Variants in SYNPR observed in about 807,000 individuals in gnomAD.
SYNPR encodes synaptoporin.
A neutral mutation model predicts 32.9 loss-of-function variants in SYNPR; 23 were observed. The ratio of observed to expected loss-of-function variants is 0.70; its 90% confidence interval spans 0.50 to 0.99. The LOEUF (loss-of-function observed/expected upper bound fraction) is 0.99, where lower values mean the gene tolerates loss of function less well. Among genes scored for constraint, SYNPR ranks in the 50% least tolerant of loss-of-function variants. The probability of loss-of-function intolerance (pLI) is 0.00; values close to 1 mark genes in which losing one functional copy is unlikely to be tolerated. For synonymous variants in SYNPR, 146 were observed against 135.9 expected, an observed-to-expected ratio of 1.07 and a Z score of -0.52; for missense variants, 318 against 349.3, an observed-to-expected ratio of 0.91 and a Z score of 0.71.
chr3:63,221,608 C>T, the SYNPR span, among the ~76,000 whole-genome samples: 37,762 of 151,926 alleles, frequency 0.25, 5,029 homozygotes, highest in Admixed American at 0.34. Context: ...TAGTACACAG[C>T]CAGGAAATAT....
At chr3:63,356,100 T>C (rs1485529801) in intron 2 of SYNPR, among the ~76,000 whole-genome samples, 1 of 152,258 alleles carries the variant, frequency 6.6e-6, no homozygotes, top group East Asian at 1.9e-4. Flanking sequence ...CATCCTAAGA[T>C]GGCTCATTCT....
intron 3 of SYNPR, among the ~76,000 whole-genome samples, chr3:63,273,063 AG>A (rs551648052): frequency 1.7e-3 from 253 of 152,286 alleles, no homozygotes; most frequent in Non-Finnish European, 1.7e-3. Context: ...GCATTTGAGA[AG>A]GGGGAAGAGA....
At chr3:63,316,542 T>C (rs1387805470) in intron 2 of SYNPR, among the ~76,000 whole-genome samples, 1 of 151,972 alleles carries the variant, frequency 6.6e-6, no homozygotes, top group East Asian at 1.9e-4. Context: ...ATAGTGGCCT[T>C]GAATGATCTT....
At chr3:63,237,743 A>G (rs539959407) in intron 1 of SYNPR, among the ~76,000 whole-genome samples, 1 of 152,164 alleles carries the variant, frequency 6.6e-6, no homozygotes, top group East Asian at 1.9e-4. Context: ...TGTCAATGAC[A>G]GCTTAATTTT....
chr3:63,600,378 A>G (rs1466083262), intron 4 of SYNPR, among the ~76,000 whole-genome samples: 3 of 152,160 alleles, frequency 2.0e-5, no homozygotes, highest in Admixed American at 1.3e-4. Flanking sequence ...CCCTCTGGAT[A>G]CCAGCTGGGT....
chr3:63,327,336 G>T (rs993087515), intron 2 of SYNPR, among the ~76,000 whole-genome samples: 3 of 152,044 alleles, frequency 2.0e-5, no homozygotes, highest in Non-Finnish European at 4.4e-5. Flanking sequence ...CTACTAAAGT[G>T]GGTATATGTA....
At chr3:63,572,529 C>T (rs1028548638) in intron 4 of SYNPR, among the ~76,000 whole-genome samples, 1 of 152,164 alleles carries the variant, frequency 6.6e-6, no homozygotes, top group African/African-American at 2.4e-5. Context: ...AACAGAAATA[C>T]TTTCCCTTCC....
intron 2 of SYNPR, among the ~76,000 whole-genome samples, chr3:63,322,311 T>G (rs1481207251): frequency 6.6e-6 from 1 of 152,100 alleles, no homozygotes; most frequent in East Asian, 1.9e-4. Context: ...GTGCCACATG[T>G]GGACTAGGTA....
At chr3:63,436,572 T>C (rs553618129) in intron 2 of SYNPR, among the ~76,000 whole-genome samples, 26 of 152,120 alleles carry the variant, frequency 1.7e-4, no homozygotes, top group African/African-American at 6.0e-4. Context: ...GCCCCTCCAT[T>C]AGCTTGAAAT....
chr3:63,274,513 T>C (rs1375284579), upstream of SYNPR, among the ~76,000 whole-genome samples: 5 of 152,244 alleles, frequency 3.3e-5, no homozygotes, highest in Non-Finnish European at 7.3e-5. Flanking sequence ...CTCTTTGAGA[T>C]TCAAAATGGT....
chr3:63,413,548 A>G (rs2088497669), intron 2 of SYNPR, among the ~76,000 whole-genome samples: 1 of 152,210 alleles, frequency 6.6e-6, no homozygotes, highest in Admixed American at 6.5e-5. Context: ...CTTCATTAAA[A>G]TGAGTGATGA....
intron 2 of SYNPR, among the ~76,000 whole-genome samples, chr3:63,382,534 A>G (rs1285703150): frequency 6.6e-6 from 1 of 152,214 alleles, no homozygotes; most frequent in Non-Finnish European, 1.5e-5. Context: ...GTCTAGAAAA[A>G]GAAGGCTTTT....
Position 63,278,435 on chromosome 3 carries a change from C to A in SYNPR, c.-99C>A. ...CTGCTCCAGGGTGTCGCTCCTCTGG[C>A]TGCTCCCGAAGGGGCTTCTGGCCCT... On this transcript the variant is annotated 5_prime_UTR_variant, in exon 1 of 6. In the 5' UTR this introduces an upstream ATG that the reference lacks. Transcript: ENST00000478300. 1 of 1,434,692 alleles carries A rather than the reference C, an allele frequency of 7.0e-7. No individual in the cohort carries two copies. The highest frequency in any genetic ancestry group is 1.5e-5 in the South Asian group (1 of 68,304). 88.9% of individuals were successfully genotyped at this position (1,434,692 alleles called of 1,614,324 possible).
chr3:63,486,635 G>T lies in SYNPR; in HGVS notation c.209+5679G>T, dbSNP rs893977949. Among the ~76,000 whole-genome samples the T allele has an allele frequency of 8.5e-5, 13 of 152,228 alleles. No homozygotes were observed. The East Asian group carries it at 2.3e-3, about 27-fold the overall frequency. The stretch of plus-strand genomic sequence containing the variant: ...TGAGAACATTACCATCTTTAAAGAA[G>T]ATAGATAGATGAGTAGATAGATTGA... On this transcript the variant is annotated intron_variant, in intron 3 of 5. Coordinates refer to ENST00000478300, the MANE Select transcript of SYNPR (RefSeq NM_001130003.2).
intron 2 of SYNPR, among the ~76,000 whole-genome samples, chr3:63,359,965 G>A (rs2087634527): frequency 6.6e-6 from 1 of 152,134 alleles, no homozygotes; most frequent in African/African-American, 2.4e-5. Context: ...AGCAGCCCTA[G>A]TGGTTTATCA....
intron 2 of SYNPR, among the ~76,000 whole-genome samples, chr3:63,313,150 G>T (rs1252310895): frequency 6.6e-6 from 1 of 151,976 alleles, no homozygotes; most frequent in African/African-American, 2.4e-5. Context: ...TTGAAAGAAT[G>T]AATAAATGAA....
chr3:63,526,739 T>G lies in SYNPR; in HGVS notation c.210-29804T>G, dbSNP rs76236207. 7.7e-3 allele frequency among the ~76,000 whole-genome samples: 1,175 copies of G among 152,158 alleles called. 55 individuals carry two copies. The East Asian group carries it at 0.14, about 18-fold the overall frequency. On this transcript the variant is annotated intron_variant, in intron 3 of 5. Transcript: ENST00000478300. ...GGAATGATAAGTAAATGACTGACAT[T>G]TGGGAAACACTAGTCTAGGAAGCAG... is the stretch of plus-strand genomic sequence containing the variant.
chr3:63,377,234 A>T (rs1330250779), intron 2 of SYNPR, among the ~76,000 whole-genome samples: 4 of 152,188 alleles, frequency 2.6e-5, no homozygotes, highest in Admixed American at 1.3e-4. Context: ...AAGCAGCAGA[A>T]ATAAAGTTTT....
chr3:63,294,476 G>A (rs750961626), intron 2 of SYNPR, among the ~76,000 whole-genome samples: 9 of 152,064 alleles, frequency 5.9e-5, no homozygotes, highest in East Asian at 3.9e-4. Context: ...TGAACAGAAC[G>A]GATTCATAAA....
Sources: allele counts gnomAD v4.1 joint callset (sites outside exome capture counted in the v4.1 genomes callset), GRCh38; gene constraint gnomAD v4.1.1; transcripts MANE v1.5; gene names NCBI Gene and HGNC (gene_info 2026-07-23, HGNC 2026-07-21).